Variants in GPR157 observed in about 807,000 individuals in gnomAD.
GPR157 encodes the protein G-protein coupled receptor 157.
Under a neutral mutation model 23.5 loss-of-function variants are expected in GPR157, and 16 were observed. That is an observed-to-expected ratio of 0.68 (90% CI 0.46 to 1.04). The LOEUF (loss-of-function observed/expected upper bound fraction) is 1.04, where lower values mean the gene tolerates loss of function less well. GPR157 is among the 50% of genes least tolerant of loss of function. The pLI is 0.00. For missense variants in GPR157, 440 were observed against 460.7 expected, an observed-to-expected ratio of 0.96 and a Z score of 0.41; for synonymous variants, 200 against 221.5, an observed-to-expected ratio of 0.90 and a Z score of 0.86.
In GPR157 at chr1:9,120,054, C is replaced by T. The variant is rs1638766986; in HGVS notation, c.384-8565G>A. Among the ~76,000 whole-genome samples, 1 of 152,116 alleles carries T rather than the reference C, an allele frequency of 6.6e-6. No homozygotes were observed. The highest frequency in any genetic ancestry group is 2.1e-4 in the South Asian group (1 of 4,818). ...GTTGTGTGGTTCCTGGAACCTGTCCCCACCAGAGTCAGGGTGGGGGCACCT... is the reference window on the plus strand; with the variant it reads ...GTTGTGTGGTTCCTGGAACCTGTCCTCACCAGAGTCAGGGTGGGGGCACCT... On this transcript the variant is annotated intron_variant, in intron 1 of 3. Coordinates refer to ENST00000377411, the MANE Select transcript of GPR157 (RefSeq NM_024980.5). This position sits in a 1 kb window ranked among gnomAD's most constrained non-coding sequence, Gnocchi z 4.1.
At position 9,105,538 on chromosome 1, in the gene GPR157, AGCACGAACC is replaced by A; in HGVS notation, c.731_739del (p.Arg244_Val246del). On this transcript the variant is annotated inframe_deletion, in exon 3 of 4. Coordinates refer to ENST00000377411, the MANE Select transcript of GPR157 (RefSeq NM_024980.5). This position sits in a 1 kb window ranked among gnomAD's most constrained non-coding sequence, Gnocchi z 4.8. ...CACGGCCGGGGAGCCACAGAGGGTCAGCACGAACCGCACGGTGCTCCAGACCCTGAGGCC... is the reference window on the plus strand; with the variant it reads ...CACGGCCGGGGAGCCACAGAGGGTCAGCACGGTGCTCCAGACCCTGAGGCC... 1.3e-6 allele frequency: 2 copies of A among 1,595,212 alleles called. No homozygotes were observed. Among genetic ancestry groups the A allele is most frequent in the Non-Finnish European group, 1.7e-6 (2 of 1,171,886 alleles).
At chr1:9,114,326 CAAAA>C (rs58549365) in intron 1 of GPR157, among the ~76,000 whole-genome samples, 1 of 103,120 alleles carries the variant, frequency 9.7e-6, no homozygotes, top group Non-Finnish European at 1.9e-5. Context: ...GAGACTGTCT[CAAAA>C]AAAAAAAAAA....
At chr1:9,107,789 A>C (rs2124509022) in intron 2 of GPR157, among the ~76,000 whole-genome samples, 1 of 152,170 alleles carries the variant, frequency 6.6e-6, no homozygotes, top group Non-Finnish European at 1.5e-5. Context: ...TTATCGAGGC[A>C]TGGTGGCGCA....
rs761987287 is a variant in GPR157, at chr1:9,111,290, G to C, written c.583C>G (p.His195Asp). 1 of 1,614,168 alleles carries C rather than the reference G, an allele frequency of 6.2e-7. No homozygotes were observed. The highest frequency in any genetic ancestry group is 8.5e-7 in the Non-Finnish European group (1 of 1,180,006). Reference protein sequence around the residue: ...LPLLYLLVRKHINRAHTALSE... With the variant: ...LPLLYLLVRKDINRAHTALSE... ...GCAGCGCCTACCGCTCTGTTGATGTGCTTCCGGACCAGGAGGTACAGCAGA... is the reference window on the plus strand; with the variant it reads ...GCAGCGCCTACCGCTCTGTTGATGTCCTTCCGGACCAGGAGGTACAGCAGA... The change falls in exon 2 of 4, where the codon CAC becomes GAC. Residue 195 changes from histidine (H) to aspartate (D), a missense_variant. By Grantham distance (81) the His-to-Asp change is moderately conservative (BLOSUM62 -1). Coordinates refer to ENST00000377411, the MANE Select transcript of GPR157 (RefSeq NM_024980.5).
rs3820035 is a variant in GPR157 at position 9,103,780 on chromosome 1, A to G, written c.*639T>C. The G allele has an allele frequency of 0.51, 78,347 of 152,254 alleles. 20,512 individuals carry two copies. Among genetic ancestry groups the G allele is most frequent in the Admixed American group, 0.56 (8,552 of 15,270 alleles). The allele number at this position is 152,254 out of a possible 1,614,324, so 9.4% of individuals were successfully genotyped here. Reference sequence around the variant, plus strand: ...AAGCTACGGCAAGGGTTAGCAGCCCATGGAGGGAGAGGCCAGGAGGCCCGG... The same window carrying G: ...AAGCTACGGCAAGGGTTAGCAGCCCGTGGAGGGAGAGGCCAGGAGGCCCGG... On this transcript the variant is annotated 3_prime_UTR_variant, in exon 4 of 4. Coordinates refer to ENST00000377411, the MANE Select transcript of GPR157 (RefSeq NM_024980.5).
At position 9,101,233 on chromosome 1, in the gene GPR157, T is replaced by C. The variant is rs1642562537; in HGVS notation, c.*3186A>G. The C allele has an allele frequency of 6.6e-6, 1 of 151,658 alleles. No individual in the cohort carries two copies. Among genetic ancestry groups the C allele is most frequent in the Admixed American group, 6.6e-5 (1 of 15,224 alleles). 9.4% of individuals were successfully genotyped at this position (151,658 alleles called of 1,614,324 possible). ...CAACTATTTTTTTTTTTTTTGTATA[T>C]TTAGTAGAAACAGGGTTTCACCATG... On this transcript the variant is annotated 3_prime_UTR_variant, in exon 4 of 4. Transcript: ENST00000377411.
intron 1 of GPR157, among the ~76,000 whole-genome samples, chr1:9,114,543 G>A (rs911737405): frequency 2.6e-5 from 4 of 152,218 alleles, no homozygotes; most frequent in Admixed American, 6.5e-5. Context: ...GTTGGGCCTG[G>A]GAGGGTCACG....
chr1:9,123,749 T>A (rs868033495), intron 1 of GPR157, among the ~76,000 whole-genome samples: 35 of 128,384 alleles, frequency 2.7e-4, no homozygotes, highest in East Asian at 1.3e-3. Flanking sequence ...TTTAATATTA[T>A]ATATTTAATA....
At position 9,114,095 on chromosome 1, in the gene GPR157, A is replaced by G. The variant is rs186066840; in HGVS notation, c.384-2606T>C. Among the ~76,000 whole-genome samples, 598 of 151,776 alleles carry G rather than the reference A, an allele frequency of 3.9e-3. 3 individuals carry two copies. Among genetic ancestry groups the G allele is most frequent in the Middle Eastern group, 0.01 (3 of 294 alleles). On this transcript the variant is annotated intron_variant, in intron 1 of 3. Coordinates refer to ENST00000377411, the MANE Select transcript of GPR157 (RefSeq NM_024980.5). ...AGGACTTTTGGGACTTTGGGAGGCC[A>G]AGACAGGTGGACCACCTGAGGTCAG...
chr1:9,121,530 C>T (rs1638798044), intron 1 of GPR157, among the ~76,000 whole-genome samples: 1 of 151,968 alleles, frequency 6.6e-6, no homozygotes, highest in Admixed American at 6.6e-5. Flanking sequence ...TTCCCAGCTA[C>T]ATGGGAGGCT....
At position 9,128,884 on chromosome 1, in the gene GPR157, G is replaced by A; in HGVS notation, c.144C>T (p.Arg48=). The A allele has an allele frequency of 6.4e-7, 1 of 1,563,056 alleles. No homozygotes were observed. The highest frequency in any genetic ancestry group is 8.7e-7 in the Non-Finnish European group (1 of 1,155,682). The change falls in exon 1 of 4, where the codon CGC becomes CGT. Residue 48 remains arginine, a synonymous_variant. Transcript: ENST00000377411. This position sits in a 1 kb window ranked among gnomAD's most constrained non-coding sequence, Gnocchi z 6.3. ...CGGCCAGCGACAGGAAGAGCAGCAG[G>A]CGCCGTGCCCGGCTGCGCAGGTCGG... is the stretch of plus-strand genomic sequence containing the variant. The part of the protein sequence containing the change: ...LWPDLRSRAR[R]LLLFLSLADL...
intron 1 of GPR157, among the ~76,000 whole-genome samples, chr1:9,111,813 T>C (rs1638505221): frequency 6.6e-6 from 1 of 151,928 alleles, no homozygotes; most frequent in Non-Finnish European, 1.5e-5. Flanking sequence ...CTACCAGAAA[T>C]ACAAAAATTA....
At chr1:9,113,668 G>T (rs1557696723) in intron 1 of GPR157, among the ~76,000 whole-genome samples, 1 of 152,168 alleles carries the variant, frequency 6.6e-6, no homozygotes, top group Non-Finnish European at 1.5e-5. Flanking sequence ...AAAAGGCCAG[G>T]CGCGGTGGCT....
At chr1:9,112,834 T>C (rs1557696435) in intron 1 of GPR157, among the ~76,000 whole-genome samples, 1 of 152,144 alleles carries the variant, frequency 6.6e-6, no homozygotes, top group Admixed American at 6.6e-5. Flanking sequence ...CTTGAACCAG[T>C]CTGTTCCTTA....
chr1:9,119,225 G>T (rs927431724), intron 1 of GPR157, among the ~76,000 whole-genome samples: 37 of 152,128 alleles, frequency 2.4e-4, no homozygotes, highest in African/African-American at 8.9e-4. Context: ...TAGAGACGGG[G>T]TTTCACCATG....
rs1041251022 is a variant in GPR157 at position 9,118,587 on chromosome 1, G to A, written c.384-7098C>T. Among the ~76,000 whole-genome samples, 27 of 152,150 alleles carry A rather than the reference G, an allele frequency of 1.8e-4. No individual in the cohort carries two copies. Among genetic ancestry groups the A allele is most frequent in the Admixed American group, 1.6e-3 (24 of 15,272 alleles). On this transcript the variant is annotated intron_variant, in intron 1 of 3. Coordinates refer to ENST00000377411, the MANE Select transcript of GPR157 (RefSeq NM_024980.5). The surrounding 1 kb of genome is among the most constrained non-coding windows in gnomAD (Gnocchi z 4.6). ...CCTTCCCACTCAGAGGCCGTTAAGG[G>A]TTCAATTGTGTCCCCTACAAATTTC...
At chr1:9,117,570 G>A (rs1469177924) in intron 1 of GPR157, among the ~76,000 whole-genome samples, 1 of 152,206 alleles carries the variant, frequency 6.6e-6, no homozygotes, top group Non-Finnish European at 1.5e-5. Flanking sequence ...GACCAGCCTC[G>A]CCAACATGGC....
intron 2 of GPR157, among the ~76,000 whole-genome samples, chr1:9,110,524 A>T (rs377496885): frequency 2.0e-5 from 3 of 152,336 alleles, no homozygotes; most frequent in East Asian, 3.9e-4. Flanking sequence ...CCCTGTCTCA[A>T]AAATAAATAA....
At chr1:9,108,193 A>C (rs1638390019) in intron 2 of GPR157, among the ~76,000 whole-genome samples, 1 of 152,066 alleles carries the variant, frequency 6.6e-6, no homozygotes, top group South Asian at 2.1e-4. Flanking sequence ...TGTCTTGTGG[A>C]GTCACTGCTG....
Sources: gnomAD v4.1 joint callset for allele counts (sites outside exome capture counted in the v4.1 genomes callset) on GRCh38, gnomAD v4.1.1 for gene constraint, Gnocchi (gnomAD v3.1) non-coding constraint, MANE v1.5 for transcripts, NCBI Gene and HGNC (gene_info 2026-07-23, HGNC 2026-07-21) for gene names.